The following WIPF1 variants were observed in gnomAD, a reference collection of about 807,000 sequenced individuals.
WIPF1 encodes WAS/WASL interacting protein family member 1, also known as WAS/WASL-interacting protein family member 1.
In WIPF1, 13 loss-of-function variants were observed where a neutral mutation model predicts 35.4. That is an observed-to-expected ratio of 0.37 (90% CI 0.24 to 0.58). WIPF1 has a LOEUF of 0.58. Ranked by LOEUF, WIPF1 falls within the 20% of genes least tolerant of loss-of-function variation. WIPF1 has a pLI of 0.74. For missense variants in WIPF1, 591 were observed against 667.0 expected, an observed-to-expected ratio of 0.89 and a Z score of 1.25; for synonymous variants, 267 against 266.3, an observed-to-expected ratio of 1.00 and a Z score of -0.02.
At chr2:174,575,088 A>T in intron 4 of WIPF1, 116 bp downstream of exon 4, 1 of 1,162,566 alleles carries the variant, frequency 8.6e-7, no homozygotes, top group Non-Finnish European at 1.3e-6. Flanking sequence ...GGTAATATTT[A>T]AAACAATGTA....
chr2:174,651,480 A>G (rs1369201118), intron 1 of WIPF1, among the ~76,000 whole-genome samples: 2 of 152,216 alleles, frequency 1.3e-5, no homozygotes, highest in Non-Finnish European at 2.9e-5. Flanking sequence ...ACACTATAAA[A>G]TTGCAGCAGA....
At chr2:174,654,120 TTTAAA>T (rs1328093939) in intron 1 of WIPF1, among the ~76,000 whole-genome samples, 1 of 152,252 alleles carries the variant, frequency 6.6e-6, no homozygotes, top group Non-Finnish European at 1.5e-5. Flanking sequence ...TTTTTAATCA[TTTAAA>T]TTATTTATCC....
chr2:174,634,863 G>C (rs1172400873), intron 1 of WIPF1, among the ~76,000 whole-genome samples: 1 of 152,182 alleles, frequency 6.6e-6, no homozygotes, highest in Admixed American at 6.5e-5. Context: ...TTGAGCCCCA[G>C]GGTCACCTAT....
At chr2:174,573,698 G>A (rs781636477) in intron 4 of WIPF1, among the ~76,000 whole-genome samples, 21 of 152,126 alleles carry the variant, frequency 1.4e-4, no homozygotes, top group Non-Finnish European at 2.4e-4. Flanking sequence ...GTTCAAAAAC[G>A]GGCCCATGTG....
chr2:174,595,088 CAAAAAAAA>C (rs57521272), intron 1 of WIPF1, among the ~76,000 whole-genome samples: 1 of 5,068 alleles, frequency 2.0e-4, no homozygotes, highest in African/African-American at 5.2e-4. Context: ...CTCATCTCTA[CAAAAAAAA>C]AAAAAAAAAA....
chr2:174,594,054 C>T (rs1685718813), intron 1 of WIPF1, among the ~76,000 whole-genome samples: 2 of 152,224 alleles, frequency 1.3e-5, no homozygotes, highest in African/African-American at 2.4e-5. Flanking sequence ...GTGGAGCACA[C>T]GCTTGCCATA....
intron 1 of WIPF1, among the ~76,000 whole-genome samples, chr2:174,596,045 GGGGAAC>G (rs1685813231): frequency 6.6e-6 from 1 of 152,132 alleles, no homozygotes; most frequent in Non-Finnish European, 1.5e-5. Flanking sequence ...TAGGTAGGCT[GGGGAAC>G]TTCCAGCCTA....
At chr2:174,573,592 C>A (rs1283700209) in intron 4 of WIPF1, among the ~76,000 whole-genome samples, 2 of 152,198 alleles carry the variant, frequency 1.3e-5, no homozygotes, top group Non-Finnish European at 2.9e-5. Context: ...TGAGGCCTGA[C>A]AAGAAGGAGT....
intron 2 of WIPF1, among the ~76,000 whole-genome samples, chr2:174,585,252 A>G (rs1329121079): frequency 6.6e-6 from 1 of 152,200 alleles, no homozygotes; most frequent in Non-Finnish European, 1.5e-5. Context: ...GGGCCAGCAC[A>G]TGTCCCTGCG....
chr2:174,567,722 G>C, intron 6 of WIPF1, 139 bp downstream of exon 6: 1 of 902,108 alleles, frequency 1.1e-6, no homozygotes, highest in South Asian at 2.5e-5. Flanking sequence ...CCTTAGAATG[G>C]TTAGATAGTT....
At chr2:174,564,815 GCA>G (rs10587549) in intron 7 of WIPF1, among the ~76,000 whole-genome samples, 59,985 of 143,278 alleles carry the variant, frequency 0.42, 14,137 homozygotes, top group East Asian at 0.79. Flanking sequence ...TTCTTCTGGT[GCA>G]CACACACACA....
chr2:174,680,333 C>T (rs1165200031), intron 1 of WIPF1, among the ~76,000 whole-genome samples: 1 of 152,148 alleles, frequency 6.6e-6, no homozygotes, highest in Admixed American at 6.5e-5. Flanking sequence ...CTGCTAGCCA[C>T]AAGGGATAAA....
At chr2:174,665,748 A>G (rs948990102) in intron 1 of WIPF1, 1 of 152,150 alleles carries the variant, frequency 6.6e-6, no homozygotes, top group African/African-American at 2.4e-5. Context: ...TCAATGAAAA[A>G]TGTATTTCTT....
chr2:174,627,276 A>G (rs1686868883), intron 1 of WIPF1, among the ~76,000 whole-genome samples: 1 of 152,216 alleles, frequency 6.6e-6, no homozygotes, highest in African/African-American at 2.4e-5. Context: ...TAACTTGAAT[A>G]TAAGATCCAC....
intron 1 of WIPF1, among the ~76,000 whole-genome samples, chr2:174,603,544 C>T (rs1686069317): frequency 6.6e-6 from 1 of 152,174 alleles, no homozygotes; most frequent in Non-Finnish European, 1.5e-5. Flanking sequence ...ACTCATGGTA[C>T]ACCATTAATG....
intron 1 of WIPF1, among the ~76,000 whole-genome samples, chr2:174,644,961 G>GT (rs1196032644): frequency 6.6e-5 from 10 of 152,208 alleles, no homozygotes; most frequent in Middle Eastern, 3.4e-3. Flanking sequence ...TTGTTGTGTG[G>GT]TTTTTTATGT....
At chr2:174,567,434 A>G (rs887294523) in intron 6 of WIPF1, among the ~76,000 whole-genome samples, 1 of 152,268 alleles carries the variant, frequency 6.6e-6, no homozygotes, top group African/African-American at 2.4e-5. Context: ...CCCTCTTAGG[A>G]GCTGGGGGCT....
rs1030230426 is a variant in WIPF1 at position 174,572,401 on chromosome 2, G to T, written c.404C>A (p.Ser135Tyr). 6.2e-7 allele frequency: 1 copy of T among 1,614,186 alleles called. No individual in the cohort carries two copies. Among genetic ancestry groups the T allele is most frequent in the Non-Finnish European group, 8.5e-7 (1 of 1,180,022 alleles). Residue 135 changes from serine (S) to tyrosine (Y), a missense_variant, in exon 5 of 8, where the codon TCC becomes TAC. By Grantham distance (144) the Ser-to-Tyr change is moderately radical. Around this residue, in one of 3 missense-constraint regions of WIPF1, gnomAD observed 471 missense variants for 501.1 expected, o/e 0.94. Coordinates refer to ENST00000679041, the MANE Select transcript of WIPF1 (RefSeq NM_001375834.1). ...RPPLLPPGGR[S>Y]TSAKPFSPPS... ...GGGTGAAAAGGGTTTCGCAGATGTG[G>T]ATCTTCCTCCCGGTGGCAACAATGG...
At chr2:174,644,901 T>C (rs186989086) in intron 1 of WIPF1, among the ~76,000 whole-genome samples, 194 of 152,350 alleles carry the variant, frequency 1.3e-3, no homozygotes, top group African/African-American at 4.5e-3. Context: ...TTTAAAGCTT[T>C]GATATCACTG....
Sources: gnomAD v4.1 joint callset for allele counts (sites outside exome capture counted in the v4.1 genomes callset) on GRCh38, gnomAD v4.1.1 for gene constraint, gnomAD v4.1.1 regional missense constraint, MANE v1.5 for transcripts, NCBI Gene and HGNC (gene_info 2026-07-23, HGNC 2026-07-21) for gene names.